PALM2AKAP2: variants seen among roughly 807,000 people sequenced by gnomAD.
PALM2AKAP2 encodes the protein PALM2 and AKAP2 fusion, also known as PALM2-AKAP2 fusion protein.
PALM2AKAP2 carries 37 observed loss-of-function variants against 71.5 expected under a neutral mutation model. That is an observed-to-expected ratio of 0.52 (90% CI 0.40 to 0.68). The LOEUF (loss-of-function observed/expected upper bound fraction) is 0.68, where lower values mean the gene tolerates loss of function less well. Among genes scored for constraint, PALM2AKAP2 ranks in the 30% least tolerant of loss-of-function variants. PALM2AKAP2 has a pLI of 0.00. For missense variants in PALM2AKAP2, 1,224 were observed against 1,191.8 expected (o/e 1.03, Z -0.40); for synonymous variants, 468 against 478.8 (o/e 0.98, Z 0.29).
At chr9:109,642,279 G>A (rs1450578186) in intron 1 of PALM2AKAP2, among the ~76,000 whole-genome samples, 4 of 151,554 alleles carry the variant, frequency 2.6e-5, no homozygotes, top group Non-Finnish European at 4.4e-5. Context: ...CTGGAAAATG[G>A]GAATAATAAT....
intron 1 of PALM2AKAP2, among the ~76,000 whole-genome samples, chr9:109,815,938 G>C (rs548756197): frequency 2.8e-4 from 42 of 152,222 alleles, no homozygotes; most frequent in Non-Finnish European, 4.6e-4. Flanking sequence ...GATGGTATGG[G>C]GTCCCTGAGA....
intron 1 of PALM2AKAP2, among the ~76,000 whole-genome samples, chr9:109,746,966 A>G (rs1054139273): frequency 6.6e-6 from 1 of 152,220 alleles, no homozygotes; most frequent in African/African-American, 2.4e-5. Flanking sequence ...TGAGAAAGGC[A>G]TGGAGTAGAG....
At chr9:109,890,199 G>A (rs746425925) in intron 3 of PALM2AKAP2, among the ~76,000 whole-genome samples, 12 of 152,320 alleles carry the variant, frequency 7.9e-5, no homozygotes, top group East Asian at 1.9e-4. Flanking sequence ...CCTTTCCAGC[G>A]ATTCTCCAGC....
At chr9:110,105,525 A>G (rs1417926749) in intron 1 of PALM2AKAP2, among the ~76,000 whole-genome samples, 1 of 152,244 alleles carries the variant, frequency 6.6e-6, no homozygotes, top group Admixed American at 6.5e-5. Flanking sequence ...CGCATACTGT[A>G]TATATGTCAT....
chr9:109,752,334 A>T (rs1463385973), intron 1 of PALM2AKAP2, among the ~76,000 whole-genome samples: 1 of 152,142 alleles, frequency 6.6e-6, no homozygotes, highest in Non-Finnish European at 1.5e-5. Flanking sequence ...TTTCACATGC[A>T]CAGGAATCTC....
intron 1 of PALM2AKAP2, among the ~76,000 whole-genome samples, chr9:109,797,922 G>A (rs1417322830): frequency 3.3e-5 from 5 of 152,148 alleles, no homozygotes; most frequent in Non-Finnish European, 7.3e-5. Flanking sequence ...TAAAGGTTCT[G>A]TATTAGTTTT....
rs145707588 is a variant in PALM2AKAP2, at chr9:109,663,888, C to A, written c.5+23022C>A. Among the ~76,000 whole-genome samples the A allele has an allele frequency of 4.7e-3, 718 of 152,218 alleles. 9 individuals are homozygous for A. Among genetic ancestry groups the A allele is most frequent in the African/African-American group, 0.016 (684 of 41,544 alleles). On this transcript the variant is annotated intron_variant, in intron 1 of 6. Coordinates refer to the PALM2AKAP2 transcript ENST00000374531. The stretch of plus-strand genomic sequence containing the variant: ...GGGTGCTGCTGTATTGGGTGCATAT[C>A]TATTTAGGATAGTTAGGTCTTCTTG...
intron 6 of PALM2AKAP2, among the ~76,000 whole-genome samples, chr9:109,973,658 T>A (rs913622407): frequency 2.6e-5 from 4 of 152,156 alleles, no homozygotes; most frequent in Non-Finnish European, 5.9e-5. Context: ...CAGAAAGGAT[T>A]TGGGGGCAAT....
intron 3 of PALM2AKAP2, among the ~76,000 whole-genome samples, chr9:109,892,208 C>T (rs1830105308): frequency 6.6e-6 from 1 of 152,188 alleles, no homozygotes. Context: ...CAAATCCTTC[C>T]TTGCCTCTCT....
chr9:109,844,992 C>G (rs1828816266), intron 1 of PALM2AKAP2, among the ~76,000 whole-genome samples: 1 of 151,898 alleles, frequency 6.6e-6, no homozygotes, highest in South Asian at 2.1e-4. Context: ...CACACACGCT[C>G]TGGTAGGGGG....
At chr9:110,140,920 T>C (rs1836011833) in intron 2 of PALM2AKAP2, among the ~76,000 whole-genome samples, 1 of 152,202 alleles carries the variant, frequency 6.6e-6, no homozygotes, top group Non-Finnish European at 1.5e-5. Flanking sequence ...AGTGACTTTC[T>C]TAATATATGC....
At chr9:110,050,715 C>T (rs1833694501) in intron 1 of PALM2AKAP2, among the ~76,000 whole-genome samples, 1 of 152,084 alleles carries the variant, frequency 6.6e-6, no homozygotes, top group South Asian at 2.1e-4. Flanking sequence ...ACAACCTCTA[C>T]CTCATGGGTT....
At chr9:109,833,482 A>G (rs1005474206) in intron 1 of PALM2AKAP2, among the ~76,000 whole-genome samples, 9 of 152,326 alleles carry the variant, frequency 5.9e-5, no homozygotes, top group African/African-American at 1.9e-4. Flanking sequence ...CTCCCAGTCC[A>G]GCTAAGAATA....
intron 1 of PALM2AKAP2, among the ~76,000 whole-genome samples, chr9:109,826,360 A>G (rs1170790746): frequency 6.6e-6 from 1 of 152,160 alleles, no homozygotes; most frequent in Non-Finnish European, 1.5e-5. Flanking sequence ...AACTTAAAGT[A>G]TAATAAAAAT....
chr9:109,658,715 A>C (rs888581160), intron 1 of PALM2AKAP2, among the ~76,000 whole-genome samples: 1 of 152,206 alleles, frequency 6.6e-6, no homozygotes, highest in Non-Finnish European at 1.5e-5. Flanking sequence ...AGGGAGAATT[A>C]GAGCCAAGTG....
intron 1 of PALM2AKAP2, among the ~76,000 whole-genome samples, chr9:109,709,447 G>A (rs1828193398): frequency 6.6e-6 from 1 of 152,182 alleles, no homozygotes; most frequent in Non-Finnish European, 1.5e-5. Flanking sequence ...CTGGGCCACT[G>A]CCTGTTGTTC....
At chr9:109,765,034 A>G (rs1437307019) in intron 1 of PALM2AKAP2, among the ~76,000 whole-genome samples, 1 of 152,238 alleles carries the variant, frequency 6.6e-6, no homozygotes, top group African/African-American at 2.4e-5. Flanking sequence ...ACTGCTGAGC[A>G]AACTCATTAT....
chr9:109,657,938 TTGTGTGTGTGTGTGTG>T (rs35984840), intron 1 of PALM2AKAP2, among the ~76,000 whole-genome samples: 2 of 142,440 alleles, frequency 1.4e-5, no homozygotes, highest in Non-Finnish European at 3.1e-5. Flanking sequence ...TTGTGTGTGT[TTGTGTGTGTGTGTGTG>T]TGTGTGTGTG....
At chr9:109,897,377 C>A (rs940439715) in intron 3 of PALM2AKAP2, among the ~76,000 whole-genome samples, 1 of 152,056 alleles carries the variant, frequency 6.6e-6, no homozygotes, top group South Asian at 2.1e-4. Context: ...TTCTGGAGTT[C>A]AAGACCAGCC....
Sources: allele counts gnomAD v4.1 joint callset (sites outside exome capture counted in the v4.1 genomes callset), GRCh38; gene constraint gnomAD v4.1.1; transcripts MANE v1.5; gene names NCBI Gene and HGNC (gene_info 2026-07-23, HGNC 2026-07-21).